CEP85L: variants seen among roughly 807,000 people sequenced by gnomAD.
CEP85L encodes centrosomal protein of 85 kDa-like.
Under a neutral mutation model 100.3 loss-of-function variants are expected in CEP85L, and 60 were observed. The observed-to-expected ratio is 0.60, with a 90% CI of 0.49 to 0.74. The LOEUF (loss-of-function observed/expected upper bound fraction) is 0.74. Among genes scored for constraint, CEP85L ranks in the 30% least tolerant of loss-of-function variants. The pLI is 0.00. For missense variants in CEP85L, 973 were observed against 936.2 expected (o/e 1.04, Z -0.51); for synonymous variants, 319 against 322.7 (o/e 0.99, Z 0.12).
intron 3 of CEP85L, among the ~76,000 whole-genome samples, chr6:118,554,094 C>A (rs1778705339): frequency 6.6e-6 from 1 of 152,040 alleles, no homozygotes; most frequent in Non-Finnish European, 1.5e-5. Flanking sequence ...TTGAGACCAG[C>A]CTGTGCAGCA....
intron 2 of CEP85L, among the ~76,000 whole-genome samples, chr6:118,580,707 T>G (rs1780525428): frequency 6.6e-6 from 1 of 152,208 alleles, no homozygotes; most frequent in Non-Finnish European, 1.5e-5. Context: ...CTCAAAGACC[T>G]CTGGACCAGA....
At chr6:118,527,002 CTTTTTTTTTTTT>C (rs764883723) in intron 3 of CEP85L, among the ~76,000 whole-genome samples, 4 of 98,710 alleles carry the variant, frequency 4.1e-5, no homozygotes, top group African/African-American at 1.6e-4. Flanking sequence ...TTTACTTTTT[CTTTTTTTTTTTT>C]TTTTTTTTTT....
chr6:118,704,628 G>A (rs1287986640), intron 1 of CEP85L, among the ~76,000 whole-genome samples: 1 of 152,132 alleles, frequency 6.6e-6, no homozygotes, highest in East Asian at 1.9e-4. Flanking sequence ...CCGCCACCAT[G>A]CCCGGCTAAT....
intron 1 of CEP85L, among the ~76,000 whole-genome samples, chr6:118,640,902 A>G (rs974532421): frequency 5.3e-5 from 8 of 152,178 alleles, no homozygotes; most frequent in African/African-American, 1.7e-4. Flanking sequence ...ATTACTGTCC[A>G]TGCATAGAAA....
At chr6:118,613,167 C>T (rs1232873271) in intron 2 of CEP85L, among the ~76,000 whole-genome samples, 1 of 151,914 alleles carries the variant, frequency 6.6e-6, no homozygotes. Context: ...GCCGAGATCG[C>T]GCCACTGTAC....
At chr6:118,595,902 T>C (rs1013633801) in intron 2 of CEP85L, among the ~76,000 whole-genome samples, 1 of 152,130 alleles carries the variant, frequency 6.6e-6, no homozygotes, top group East Asian at 1.9e-4. Flanking sequence ...CAAATAGTAA[T>C]AGTAATAAAG....
chr6:118,709,160 C>T (rs1777696576), intron 1 of CEP85L, among the ~76,000 whole-genome samples: 1 of 152,084 alleles, frequency 6.6e-6, no homozygotes, highest in African/African-American at 2.4e-5. Flanking sequence ...AACCCATGAG[C>T]GTGAGTTCTC....
chr6:118,540,328 A>G (rs1019608389), intron 3 of CEP85L, among the ~76,000 whole-genome samples: 1 of 152,296 alleles, frequency 6.6e-6, no homozygotes, highest in East Asian at 1.9e-4. Flanking sequence ...TTAACTACTG[A>G]CTGATATGAA....
intron 3 of CEP85L, among the ~76,000 whole-genome samples, chr6:118,563,878 A>T (rs1324284566): frequency 4.6e-5 from 7 of 152,186 alleles, no homozygotes; most frequent in Non-Finnish European, 7.3e-5. Flanking sequence ...CTAAGGAGGA[A>T]ATTAGAAGGG....
intron 2 of CEP85L, among the ~76,000 whole-genome samples, chr6:118,585,415 T>C (rs1780800753): frequency 6.6e-6 from 1 of 152,088 alleles, no homozygotes; most frequent in African/African-American, 2.4e-5. Flanking sequence ...ACAGATGAGG[T>C]AGCCAAAGGA....
chr6:118,470,953 T>C (rs1772906870), intron 10 of CEP85L, among the ~76,000 whole-genome samples: 1 of 152,162 alleles, frequency 6.6e-6, no homozygotes, highest in South Asian at 2.1e-4. Context: ...TAATATGGTA[T>C]TACAAACAGT....
chr6:118,472,274 T>C (rs1773017776), intron 10 of CEP85L, among the ~76,000 whole-genome samples: 2 of 152,074 alleles, frequency 1.3e-5, no homozygotes, highest in South Asian at 4.1e-4. Flanking sequence ...CAGGCAATCT[T>C]CTCCATCAGA....
chr6:118,684,266 T>C, intron 1 of CEP85L, among the ~76,000 whole-genome samples: 1 of 152,224 alleles, frequency 6.6e-6, no homozygotes, highest in East Asian at 1.9e-4. Context: ...TTAGTTTTCA[T>C]TATTGTGGCC....
chr6:118,660,970 C>T (rs757510339), intron 1 of CEP85L, among the ~76,000 whole-genome samples: 26 of 151,862 alleles, frequency 1.7e-4, no homozygotes, highest in African/African-American at 5.1e-4. Context: ...ACTGCAATCT[C>T]GGCCTCCTGG....
chr6:118,495,729 G>T (rs533399767), intron 5 of CEP85L, among the ~76,000 whole-genome samples: 1 of 152,216 alleles, frequency 6.6e-6, no homozygotes, highest in African/African-American at 2.4e-5. Context: ...GAACTCTTAG[G>T]AGACGCTGCA....
rs1302444172 is a variant in CEP85L at position 118,480,382 on chromosome 6, A to C, written c.1863+14T>G. ...GCATAGATTTCACGTTTATGATCTAAGGTATCTACTGACCTTACTAGCAGT... is the reference window on the plus strand; with the variant it reads ...GCATAGATTTCACGTTTATGATCTACGGTATCTACTGACCTTACTAGCAGT... On this transcript the variant is annotated intron_variant, in intron 9 of 12. Transcript: ENST00000368491. 7.1e-7 allele frequency: 1 copy of C among 1,406,776 alleles called. No homozygotes were observed. Among genetic ancestry groups the C allele is most frequent in the Non-Finnish European group, 1.0e-6 (1 of 996,128 alleles). The allele number at this position is 1,406,776 out of a possible 1,614,324, so 87.1% of individuals were successfully genotyped here.
intron 1 of CEP85L, among the ~76,000 whole-genome samples, chr6:118,664,680 A>G (rs1776077193): frequency 6.6e-6 from 1 of 152,216 alleles, no homozygotes; most frequent in Non-Finnish European, 1.5e-5. Flanking sequence ...TCACAGTTGA[A>G]TTAATTCCAC....
At chr6:118,590,244 A>T (rs1781108960) in intron 2 of CEP85L, among the ~76,000 whole-genome samples, 2 of 152,114 alleles carry the variant, frequency 1.3e-5, no homozygotes, top group Admixed American at 1.3e-4. Flanking sequence ...TTACAAACTT[A>T]AAAAAACAGA....
chr6:118,577,512 G>A (rs9489446), intron 2 of CEP85L, among the ~76,000 whole-genome samples: 107,860 of 152,056 alleles, frequency 0.71, 38,958 homozygotes, highest in African/African-American at 0.75. Flanking sequence ...ATTTGAATCT[G>A]TATTGTTCTC....
Sources: gnomAD v4.1 joint callset for allele counts (sites outside exome capture counted in the v4.1 genomes callset) on GRCh38, gnomAD v4.1.1 for gene constraint, MANE v1.5 for transcripts, NCBI Gene and HGNC (gene_info 2026-07-23, HGNC 2026-07-21) for gene names.